The following CRACD variants were observed in gnomAD, a reference collection of about 807,000 sequenced individuals.
The protein encoded by CRACD is capping protein inhibiting regulator of actin dynamics.
A neutral mutation model predicts 106.8 loss-of-function variants in CRACD; 56 were observed. The observed-to-expected ratio is 0.52, with a 90% CI of 0.42 to 0.66. The LOEUF is 0.66. Among genes scored for constraint, CRACD ranks in the 30% least tolerant of loss-of-function variants. CRACD has a pLI of 0.00. For missense variants in CRACD, 1,730 were observed against 1,623.2 expected, an observed-to-expected ratio of 1.07 and a Z score of -1.13; for synonymous variants, 754 against 670.8, an observed-to-expected ratio of 1.12 and a Z score of -1.92.
chr4:56,269,695 A>G (rs1251271289), intron 2 of CRACD, among the ~76,000 whole-genome samples: 1 of 151,364 alleles, frequency 6.6e-6, no homozygotes, highest in African/African-American at 2.4e-5. Flanking sequence ...CCTCCTGAGT[A>G]GCTGGGACTA....
At chr4:56,231,046 T>C (rs1185283682) in intron 2 of CRACD, among the ~76,000 whole-genome samples, 2 of 138,294 alleles carry the variant, frequency 1.4e-5, no homozygotes, top group East Asian at 4.7e-4. Flanking sequence ...TATAGAAAAG[T>C]AAAAAACAAA....
rs562000381 is a variant in CRACD, at chr4:56,226,296, A to C, written c.-188-46025A>C. Among the ~76,000 whole-genome samples the C allele has an allele frequency of 9.2e-5, 14 of 152,256 alleles. No homozygotes were observed. The South Asian group carries it at 1.0e-3, about 11-fold the overall frequency. On this transcript the variant is annotated intron_variant, in intron 2 of 10. Transcript: ENST00000682029. ...TCATTAGATGGGCACATTGTTTGGG[A>C]TCTAGGAATTGTGTTGTGAGATTGG...
chr4:56,199,703 A>AG (rs1737794258), intron 2 of CRACD, among the ~76,000 whole-genome samples: 2 of 151,580 alleles, frequency 1.3e-5, no homozygotes, highest in African/African-American at 4.8e-5. Context: ...AGAAAAGAAA[A>AG]AAAAAGAAAA....
At chr4:56,308,863 C>A in intron 5 of CRACD, 1 of 1,288,732 alleles carries the variant, frequency 7.8e-7, no homozygotes. Flanking sequence ...AATGTCCTCA[C>A]AGTTATTGAT....
intron 2 of CRACD, among the ~76,000 whole-genome samples, chr4:56,218,329 C>A (rs190075666): frequency 4.6e-5 from 7 of 152,016 alleles, no homozygotes; most frequent in African/African-American, 1.7e-4. Context: ...CCAGGCTGCT[C>A]TCAAACTCCT....
At chr4:56,162,806 G>C (rs6817352) in intron 1 of CRACD, among the ~76,000 whole-genome samples, 8,903 of 152,228 alleles carry the variant, frequency 0.058, 453 homozygotes, top group African/African-American at 0.12. Context: ...AAATAATCAG[G>C]CAAAATGTTG....
intron 1 of CRACD, among the ~76,000 whole-genome samples, chr4:56,148,494 A>C (rs753262757): frequency 1.3e-4 from 19 of 151,838 alleles, no homozygotes; most frequent in Non-Finnish European, 2.4e-4. Context: ...GGGTCTCACT[A>C]TGTTGCCTAG....
chr4:56,150,896 T>C lies in CRACD; in HGVS notation c.-335-28388T>C, dbSNP rs540391998. ...AGTGCAATTGTTGAGTCATGGGGGA[T>C]GTGTGTCTTCAATTTTATTAGATAG... On this transcript the variant is annotated intron_variant, in intron 1 of 10. Transcript: ENST00000682029. Among the ~76,000 whole-genome samples, 3 of 152,336 alleles carry C rather than the reference T, an allele frequency of 2.0e-5. No individual in the cohort carries two copies. In the South Asian group the frequency reaches 6.2e-4, roughly 32 times the overall value.
intron 2 of CRACD, among the ~76,000 whole-genome samples, chr4:56,247,940 G>A (rs898883124): frequency 1.3e-5 from 2 of 152,066 alleles, no homozygotes; most frequent in Non-Finnish European, 2.9e-5. Flanking sequence ...GTACTCCACA[G>A]TATTTTATCA....
intron 1 of CRACD, among the ~76,000 whole-genome samples, chr4:56,127,355 A>G (rs1734691843): frequency 1.3e-5 from 2 of 152,208 alleles, no homozygotes; most frequent in Non-Finnish European, 2.9e-5. Flanking sequence ...TAAGCTCTGG[A>G]ATTTAGGGAG....
intron 1 of CRACD, among the ~76,000 whole-genome samples, chr4:56,066,623 A>T (rs982955860): frequency 3.9e-5 from 6 of 152,312 alleles, no homozygotes; most frequent in Admixed American, 2.0e-4. Context: ...TCATATGGGG[A>T]AGAGAAGCAG....
intron 1 of CRACD, among the ~76,000 whole-genome samples, chr4:56,148,885 G>A (rs888390582): frequency 5.3e-5 from 8 of 151,184 alleles, no homozygotes; most frequent in Non-Finnish European, 1.0e-4. Context: ...GCGTGATCTC[G>A]GCTCGCTGCA....
chr4:56,199,681 C>CAAAAAAAAAAAA (rs372264328), intron 2 of CRACD, among the ~76,000 whole-genome samples: 1 of 101,260 alleles, frequency 9.9e-6, no homozygotes, highest in Non-Finnish European at 1.9e-5. Context: ...AACTCCGTCT[C>CAAAAAAAAAAAA]AAAAAAAAAA....
intron 2 of CRACD, among the ~76,000 whole-genome samples, chr4:56,189,904 G>A (rs1361328567): frequency 8.7e-5 from 13 of 149,322 alleles, no homozygotes; most frequent in African/African-American, 3.0e-4. Context: ...GTGCCATGCT[G>A]GTGCGCTGCA....
chr4:56,306,930 T>G (rs1744752117), intron 4 of CRACD, among the ~76,000 whole-genome samples: 1 of 152,226 alleles, frequency 6.6e-6, no homozygotes, highest in Non-Finnish European at 1.5e-5. Flanking sequence ...ATGGAAAGAC[T>G]TGCTGGCCCT....
intron 2 of CRACD, among the ~76,000 whole-genome samples, chr4:56,269,486 T>C (rs1348370548): frequency 6.6e-6 from 1 of 151,570 alleles, no homozygotes; most frequent in Non-Finnish European, 1.5e-5. Flanking sequence ...CAGAGAGCTC[T>C]ACAGGGCTGA....
intron 7 of CRACD, among the ~76,000 whole-genome samples, 180 bp from the exon 8 acceptor site, chr4:56,313,860 G>A (rs1275994407): frequency 6.6e-6 from 1 of 152,044 alleles, no homozygotes; most frequent in South Asian, 2.1e-4. Flanking sequence ...TTCTCCATTC[G>A]CACGACAGAG....
At chr4:56,208,034 G>T (rs910377658) in intron 2 of CRACD, among the ~76,000 whole-genome samples, 2 of 150,828 alleles carry the variant, frequency 1.3e-5, no homozygotes, top group Non-Finnish European at 3.0e-5. Context: ...TGCCCAGGCT[G>T]GTCTCTTGGC....
rs376393747 is a variant in CRACD at position 56,323,504 on chromosome 4, G to A, written c.3315G>A (p.Ala1105=). The A allele has an allele frequency of 6.9e-5, 111 of 1,607,442 alleles. No individual in the cohort carries two copies. Among genetic ancestry groups the A allele is most frequent in the Non-Finnish European group, 8.9e-5 (105 of 1,178,304 alleles). Residue 1105 remains alanine (A), a synonymous_variant, in exon 9 of 11, where the codon GCG becomes GCA. Coordinates refer to ENST00000682029, the MANE Select transcript of CRACD (RefSeq NM_001393381.1). ...QKQKGFREQQ[A]TREERKQARE... is the part of the protein sequence containing the mutation. ...AAAAGGGGTTTCGGGAGCAGCAGGC[G>A]ACGCGGGAGGAGAGAAAGCAAGCCA...
Sources: allele counts gnomAD v4.1 joint callset (sites outside exome capture counted in the v4.1 genomes callset), GRCh38; gene constraint gnomAD v4.1.1; transcripts MANE v1.5; gene names NCBI Gene and HGNC (gene_info 2026-07-23, HGNC 2026-07-21).